The following PTPRR variants were observed in gnomAD, a reference collection of about 807,000 sequenced individuals.
PTPRR encodes protein tyrosine phosphatase receptor type R.
Under a neutral mutation model 77.2 loss-of-function variants are expected in PTPRR, and 38 were observed. That is an observed-to-expected ratio of 0.49 (90% confidence interval 0.38 to 0.65). The LOEUF (loss-of-function observed/expected upper bound fraction) is 0.65, where lower values mean the gene tolerates loss of function less well. Among genes scored for constraint, PTPRR ranks in the 30% least tolerant of loss-of-function variants. The pLI is 0.00. For synonymous variants in PTPRR, 299 were observed against 283.1 expected, an observed-to-expected ratio of 1.06 and a Z score of -0.57; for missense variants, 744 against 799.2, an observed-to-expected ratio of 0.93 and a Z score of 0.83.
In PTPRR at chr12:70,897,031, G is replaced by A. The variant is rs1189659832; in HGVS notation, c.59-4054C>T. On this transcript the variant is annotated intron_variant, in intron 1 of 13. Transcript: ENST00000283228. ...TTACTGTAGCCTTGTAGTATAGTTT[G>A]AAGTCAGGTAGCGTGATGCCTCCAG... Among the ~76,000 whole-genome samples the A allele has an allele frequency of 2.0e-5, 3 of 151,962 alleles. No homozygotes were observed. In the East Asian group the frequency reaches 5.8e-4, roughly 29 times the overall value.
chr12:70,845,188 TGA>T (rs1438260798), intron 2 of PTPRR, among the ~76,000 whole-genome samples: 1 of 147,540 alleles, frequency 6.8e-6, no homozygotes, highest in East Asian at 2.0e-4. Flanking sequence ...CAGTGGTGGG[TGA>T]GAGTTGACAG....
intron 2 of PTPRR, among the ~76,000 whole-genome samples, chr12:70,879,406 AAAG>A (rs1296327907): frequency 4.6e-5 from 7 of 152,116 alleles, no homozygotes; most frequent in Non-Finnish European, 8.8e-5. Flanking sequence ...AAAAAAAAAA[AAAG>A]AAGAAACAAA....
chr12:70,820,069 C>A (rs900729638), intron 2 of PTPRR, among the ~76,000 whole-genome samples: 3 of 152,136 alleles, frequency 2.0e-5, no homozygotes, highest in Admixed American at 6.5e-5. Flanking sequence ...AGAAATGTAA[C>A]ATTTTTTATG....
intron 5 of PTPRR, among the ~76,000 whole-genome samples, chr12:70,751,899 C>A (rs972896551): frequency 6.6e-6 from 1 of 151,030 alleles, no homozygotes; most frequent in African/African-American, 2.4e-5. Context: ...ATTCTTCATA[C>A]CTTGTACAGG....
chr12:70,775,788 C>CT (rs56736782), intron 2 of PTPRR, among the ~76,000 whole-genome samples: 10,357 of 148,788 alleles, frequency 0.07, 364 homozygotes, highest in Middle Eastern at 0.1. Flanking sequence ...CCCCCCAACC[C>CT]TTTTTTTTTT....
intron 2 of PTPRR, among the ~76,000 whole-genome samples, chr12:70,850,629 T>A (rs911319740): frequency 6.6e-6 from 1 of 152,176 alleles, no homozygotes; most frequent in African/African-American, 2.4e-5. Context: ...ATTTGGTGGA[T>A]GAATCTCTTC....
intron 6 of PTPRR, among the ~76,000 whole-genome samples, chr12:70,730,515 G>T (rs1889616095): frequency 6.6e-6 from 1 of 150,890 alleles, no homozygotes; most frequent in African/African-American, 2.4e-5. Context: ...CGTCTCAAAA[G>T]AATAAATGAA....
intron 2 of PTPRR, among the ~76,000 whole-genome samples, chr12:70,869,890 A>G (rs1892931574): frequency 1.3e-5 from 2 of 152,184 alleles, no homozygotes; most frequent in East Asian, 1.9e-4. Flanking sequence ...AAGATAATAA[A>G]TTTGTATTCT....
chr12:70,917,615 T>G (rs1037733378), intron 1 of PTPRR, among the ~76,000 whole-genome samples: 11 of 152,118 alleles, frequency 7.2e-5, no homozygotes, highest in African/African-American at 1.4e-4. Flanking sequence ...CCACTCCTCA[T>G]TTTTCTCCCA....
chr12:70,699,764 A>T (rs1888354837), intron 7 of PTPRR, among the ~76,000 whole-genome samples: 1 of 152,238 alleles, frequency 6.6e-6, no homozygotes, highest in Non-Finnish European at 1.5e-5. Context: ...TCAATGGAAA[A>T]CACATGTTCA....
intron 1 of PTPRR, among the ~76,000 whole-genome samples, chr12:70,904,610 T>C (rs764601241): frequency 1.3e-5 from 2 of 151,898 alleles, no homozygotes; most frequent in Non-Finnish European, 2.9e-5. Context: ...CAGATTGTGG[T>C]TGTGATGACA....
In PTPRR at chr12:70,911,876, C is replaced by G. The variant is rs182142849; in HGVS notation, c.58+8457G>C. ...GGTACAATTAACCATTTATCATCTC[C>G]TTAGTCTAATCACGTAATGCCTAAC... On this transcript the variant is annotated intron_variant, in intron 1 of 13. Transcript: ENST00000283228. 9.9e-5 allele frequency among the ~76,000 whole-genome samples: 15 copies of G among 152,186 alleles called. No homozygotes were observed. In the East Asian group the frequency reaches 2.5e-3, roughly 26 times the overall value.
At chr12:70,705,302 G>A (rs1311203507) in intron 6 of PTPRR, among the ~76,000 whole-genome samples, 1 of 152,064 alleles carries the variant, frequency 6.6e-6, no homozygotes, top group Non-Finnish European at 1.5e-5. Flanking sequence ...GAATAACTCA[G>A]AAACCAGGCA....
chr12:70,761,845 C>T (rs1009446471), intron 3 of PTPRR, among the ~76,000 whole-genome samples: 1 of 152,102 alleles, frequency 6.6e-6, no homozygotes, highest in Non-Finnish European at 1.5e-5. Flanking sequence ...TTGCCACCCC[C>T]CAAGATTTGT....
At chr12:70,795,089 G>A (rs1282687691) in intron 2 of PTPRR, among the ~76,000 whole-genome samples, 1 of 152,052 alleles carries the variant, frequency 6.6e-6, no homozygotes, top group African/African-American at 2.4e-5. Flanking sequence ...TGCTAGTATG[G>A]CTAAGGCAAT....
intron 2 of PTPRR, among the ~76,000 whole-genome samples, chr12:70,827,119 C>G (rs1892123283): frequency 6.6e-6 from 1 of 152,212 alleles, no homozygotes; most frequent in African/African-American, 2.4e-5. Context: ...TTGGGCATGG[C>G]CCTCTAATAT....
chr12:70,895,578 G>GA (rs943009545), intron 1 of PTPRR, among the ~76,000 whole-genome samples: 5 of 151,348 alleles, frequency 3.3e-5, no homozygotes, highest in East Asian at 3.9e-4. Flanking sequence ...CATTAGGTAA[G>GA]AAAAAAAATT....
intron 1 of PTPRR, among the ~76,000 whole-genome samples, chr12:70,899,873 T>C (rs1304948309): frequency 6.6e-6 from 1 of 151,312 alleles, no homozygotes; most frequent in Non-Finnish European, 1.5e-5. Flanking sequence ...CAAAACTAAA[T>C]GGCATTTGTA....
chr12:70,781,234 C>T (rs937493559), intron 2 of PTPRR, among the ~76,000 whole-genome samples: 1 of 152,152 alleles, frequency 6.6e-6, no homozygotes, highest in Non-Finnish European at 1.5e-5. Flanking sequence ...GACAACTTTA[C>T]AACTTTTCTT....
Sources: allele counts gnomAD v4.1 joint callset (sites outside exome capture counted in the v4.1 genomes callset), GRCh38; gene constraint gnomAD v4.1.1; transcripts MANE v1.5; gene names NCBI Gene and HGNC (gene_info 2026-07-23, HGNC 2026-07-21).